Variants in C19orf81 observed in about 807,000 individuals in gnomAD.
C19orf81 encodes the protein chromosome 19 open reading frame 81, also known as putative uncharacterized protein C19orf81.
A neutral mutation model predicts 22.1 loss-of-function variants in C19orf81; 19 were observed. The ratio of observed to expected loss-of-function variants is 0.86; its 90% confidence interval spans 0.60 to 1.26. The LOEUF (loss-of-function observed/expected upper bound fraction) is 1.26, where lower values mean the gene tolerates loss of function less well. C19orf81 is among the 50% of genes most tolerant of loss of function. C19orf81 has a pLI of 0.00. For synonymous variants in C19orf81, 108 were observed against 113.1 expected, an observed-to-expected ratio of 0.95 and a Z score of 0.29; for missense variants, 287 against 280.7, an observed-to-expected ratio of 1.02 and a Z score of -0.16.
At chr19:50,656,406 A>G in intron 3 of C19orf81, 60 bp downstream of exon 3, 1 of 1,487,926 alleles carries the variant, frequency 6.7e-7, no homozygotes, top group Non-Finnish European at 8.9e-7. Flanking sequence ...GGAAGGGCAC[A>G]GGCTGAGAAG....
Position 50,659,107 on chromosome 19 carries a change from G to C in C19orf81, c.562G>C (p.Glu188Gln), listed in dbSNP as rs1452923418. ...RRSLVRRRMLEALGAEPNEEA is the reference protein window; with the variant it reads ...RRSLVRRRMLQALGAEPNEEA ...CTCCCTGGTCCGGCGGCGCATGCTC[G>C]AGGCCCTGGGGGCGGAGCCGAACGA... Residue 188 changes from glutamate to glutamine, a missense_variant, in exon 5 of 5, where the codon GAG becomes CAG. Glu to Gln is a conservative substitution (Grantham distance 29). Transcript: ENST00000425202. 3.4e-6 allele frequency: 5 copies of C among 1,480,596 alleles called. No homozygotes were observed. The highest frequency in any genetic ancestry group is 4.5e-6 in the Non-Finnish European group (5 of 1,117,786). 91.7% of individuals were successfully genotyped at this position (1,480,596 alleles called of 1,614,324 possible). A position where few individuals can be genotyped will look rare whatever the true frequency, so the allele number is the denominator to read the frequency against.
intron 1 of C19orf81, among the ~76,000 whole-genome samples, chr19:50,651,429 G>A (rs1984876825): frequency 6.6e-6 from 1 of 151,980 alleles, no homozygotes; most frequent in Non-Finnish European, 1.5e-5. Context: ...CCGGGAGACT[G>A]GGCTTTCCCT....
intron 1 of C19orf81, among the ~76,000 whole-genome samples, chr19:50,651,130 G>A (rs1236258428): frequency 6.6e-6 from 1 of 152,148 alleles, no homozygotes; most frequent in Non-Finnish European, 1.5e-5. Context: ...TGGATGAAAC[G>A]GCCTGGCTTG....
intron 1 of C19orf81, among the ~76,000 whole-genome samples, chr19:50,652,227 T>C (rs1014577416): frequency 2.0e-5 from 3 of 152,224 alleles, no homozygotes; most frequent in African/African-American, 4.8e-5. Context: ...TATTTTTTTA[T>C]AGTTGGCTTG....
intron 2 of C19orf81, 29 bp from the exon 3 acceptor site, chr19:50,656,196 GA>G: frequency 1.3e-6 from 2 of 1,536,134 alleles, no homozygotes; most frequent in Non-Finnish European, 1.7e-6. Flanking sequence ...CCTGACCTCA[GA>G]GGTCCCTGCC....
At chr19:50,657,745 T>A (rs955987323) in intron 3 of C19orf81, among the ~76,000 whole-genome samples, 1 of 152,218 alleles carries the variant, frequency 6.6e-6, no homozygotes, top group Non-Finnish European at 1.5e-5. Context: ...CAAATTGGCT[T>A]GGTGAGAATT....
At chr19:50,652,978 TAAAC>T (rs1292100558) in intron 1 of C19orf81, among the ~76,000 whole-genome samples, 5 of 152,210 alleles carry the variant, frequency 3.3e-5, no homozygotes, top group South Asian at 4.1e-4. Flanking sequence ...CATCATGTGT[TAAAC>T]AACACTACCT....
chr19:50,651,293 C>T (rs1984873979), intron 1 of C19orf81, among the ~76,000 whole-genome samples: 1 of 152,146 alleles, frequency 6.6e-6, no homozygotes, highest in South Asian at 2.1e-4. Flanking sequence ...AAACCTTGGC[C>T]CATGCTAGGC....
chr19:50,656,736 G>C (rs1985001837), intron 3 of C19orf81, among the ~76,000 whole-genome samples: 2 of 152,142 alleles, frequency 1.3e-5, no homozygotes, highest in South Asian at 4.1e-4. Flanking sequence ...TGGATCACTA[G>C]AGGTCAGGAG....
At chr19:50,657,424 C>T (rs565137811) in intron 3 of C19orf81, among the ~76,000 whole-genome samples, 1 of 152,188 alleles carries the variant, frequency 6.6e-6, no homozygotes, top group African/African-American at 2.4e-5. Flanking sequence ...ATTTTATGTG[C>T]TATGACAACT....
chr19:50,651,441 C>T (rs1195153897), intron 1 of C19orf81, among the ~76,000 whole-genome samples: 1 of 152,176 alleles, frequency 6.6e-6, no homozygotes, highest in Non-Finnish European at 1.5e-5. Context: ...GCTTTCCCTC[C>T]ACCTTGTAAC....
In C19orf81 at chr19:50,654,039, TG is replaced by T. The variant is rs751539067; in HGVS notation, c.68-2009del. Among the ~76,000 whole-genome samples, 51 of 151,916 alleles carry T rather than the reference TG, an allele frequency of 3.4e-4. 1 individual carries two copies. Among genetic ancestry groups the T allele is most frequent in the Admixed American group, 1.4e-3 (22 of 15,248 alleles). ...GTTGTGTTGAGACATGATTCAGGGG[TG>T]GTCTTGTTTTTGTCTCAGTCCATCA... On this transcript the variant is annotated intron_variant, in intron 1 of 4. Coordinates refer to ENST00000425202, the MANE Select transcript of C19orf81 (RefSeq NM_001195076.2).
chr19:50,652,606 G>A (rs1218629100), intron 1 of C19orf81, among the ~76,000 whole-genome samples: 1 of 152,184 alleles, frequency 6.6e-6, no homozygotes, highest in Non-Finnish European at 1.5e-5. Flanking sequence ...TTGGACTGCA[G>A]CAGGTGAAAA....
At chr19:50,655,648 CAA>C (rs772068035) in intron 1 of C19orf81, among the ~76,000 whole-genome samples, 1 of 133,560 alleles carries the variant, frequency 7.5e-6, no homozygotes. Flanking sequence ...GACTCTGTCT[CAA>C]AAAAAAAAAA....
At chr19:50,654,646 CT>C (rs1430953112) in intron 1 of C19orf81, among the ~76,000 whole-genome samples, 3 of 137,514 alleles carry the variant, frequency 2.2e-5, no homozygotes, top group African/African-American at 8.0e-5. Context: ...CTCTTTCTGT[CT>C]CTCTTTCTCC....
chr19:50,658,643 A>C (rs955275275), intron 4 of C19orf81: 5 of 330,950 alleles, frequency 1.5e-5, no homozygotes, highest in Admixed American at 4.6e-5. Flanking sequence ...GGGTGGGGAC[A>C]GGCCTGGAGT....
chr19:50,657,596 G>A (rs1328440712), intron 3 of C19orf81, among the ~76,000 whole-genome samples: 1 of 152,200 alleles, frequency 6.6e-6, no homozygotes, highest in Non-Finnish European at 1.5e-5. Context: ...AAAAGGAAAG[G>A]TGTGTAACTT....
Position 50,658,999 on chromosome 19 carries a change from G to A in C19orf81, c.454G>A (p.Gly152Arg), listed in dbSNP as rs1417815260. 4 of 1,526,842 alleles carry A rather than the reference G, an allele frequency of 2.6e-6. No homozygotes were observed. The highest frequency in any genetic ancestry group is 2.8e-5 in the African/African-American group (2 of 72,496). 94.6% of individuals were successfully genotyped at this position (1,526,842 alleles called of 1,614,324 possible). A position where few individuals can be genotyped will look rare whatever the true frequency, so the allele number is the denominator to read the frequency against. ...GACGCGCTCGCGCTTGCTGCGCTCC[G>A]GGCTCAGTCCCCGCGGGCTTGCGCA... ...FQTRSRLLRS[G>R]LSPRGLAHQI... The change falls in exon 5 of 5, where the codon GGG (glycine) becomes AGG (arginine). Residue 152 changes from glycine (G) to arginine (R), a missense_variant. Transcript: ENST00000425202.
At chr19:50,658,219 G>C in intron 4 of C19orf81, 91 bp downstream of exon 4, 1 of 1,316,650 alleles carries the variant, frequency 7.6e-7, no homozygotes, top group African/African-American at 1.5e-5. Flanking sequence ...TTAGAGCGCT[G>C]AGGGACGTGG....
Sources: allele counts gnomAD v4.1 joint callset (sites outside exome capture counted in the v4.1 genomes callset), GRCh38; gene constraint gnomAD v4.1.1; transcripts MANE v1.5; gene names NCBI Gene and HGNC (gene_info 2026-07-23, HGNC 2026-07-21).